MUC5B: variants seen among roughly 807,000 people sequenced by gnomAD.
MUC5B encodes the protein mucin-5B.
Under a neutral mutation model 376.9 loss-of-function variants are expected in MUC5B, and 116 were observed. The observed-to-expected ratio is 0.31, with a 90% confidence interval of 0.26 to 0.36. The LOEUF is 0.36. Ranked by LOEUF, MUC5B falls within the 10% of genes least tolerant of loss-of-function variation. The pLI is 1.00. For synonymous variants in MUC5B, 3,517 were observed against 3,390.9 expected (o/e 1.04, Z -1.29); for missense variants, 7,165 against 7,769.9 (o/e 0.92, Z 2.93).
intron 8 of MUC5B, 49 bp downstream of exon 8, chr11:1,228,814 C>A (rs1325831733): frequency 3.2e-6 from 3 of 942,642 alleles, no homozygotes; most frequent in Admixed American, 4.7e-5. Context: ...AGAGAAGGGG[C>A]AGGGGGAGCG....
In MUC5B at chr11:1,241,675, A is replaced by G. The variant is rs1862286519; in HGVS notation, c.4795A>G (p.Ser1599Gly). 3.1e-6 allele frequency: 5 copies of G among 1,612,414 alleles called. No homozygotes were observed. Among genetic ancestry groups the G allele is most frequent in the Non-Finnish European group, 4.2e-6 (5 of 1,179,658 alleles). Residue 1599 changes from serine to glycine, a missense_variant, in exon 31 of 49, where the codon AGT becomes GGT. Transcript: ENST00000529681. ...CTACAGGATCCGGGTCCTCTGCTGC[A>G]GTGACGACCACTGCAGGGGACGTGC... ...YNYRIRVLCC[S>G]DDHCRGRATT...
At chr11:1,224,942 G>A (rs2133802542) in intron 1 of MUC5B, among the ~76,000 whole-genome samples, 1 of 152,266 alleles carries the variant, frequency 6.6e-6, no homozygotes, top group Non-Finnish European at 1.5e-5. Context: ...TGAAGGGGGC[G>A]CCCCAACCCA....
chr11:1,228,892 C>T lies in MUC5B; in HGVS notation c.976+127C>T, dbSNP rs991006203. 5 of 504,610 alleles carry T rather than the reference C, an allele frequency of 9.9e-6. No individual in the cohort carries two copies. In the African/African-American group the frequency reaches 1.2e-4, roughly 12 times the overall value. 31.3% of individuals were successfully genotyped at this position (504,610 alleles called of 1,614,324 possible). A position where few individuals can be genotyped will look rare whatever the true frequency, so the allele number is the denominator to read the frequency against. The stretch of plus-strand genomic sequence containing the variant: ...TGGAGGGCAGAGGACCCACCCCAGG[C>T]ATAGTGGGCAGAGGCCACCCCAGGA... On this transcript the variant is annotated intron_variant, in intron 8 of 48. Transcript: ENST00000529681.
chr11:1,258,168 A>G lies in MUC5B; in HGVS notation c.16520A>G (p.Gln5507Arg). Residue 5507 changes from glutamine (Q) to arginine (R), a missense_variant, in exon 42 of 49, where the codon CAG becomes CGG. By Grantham distance (43) the Gln-to-Arg change is conservative. This residue lies in a region of MUC5B where 842 missense variants were observed against 1,016.9 expected (regional missense o/e 0.83). Coordinates refer to ENST00000529681, the MANE Select transcript of MUC5B (RefSeq NM_002458.3). This position sits in a 1 kb window ranked among gnomAD's most constrained non-coding sequence, Gnocchi z 5.5. ...CCAGGGCAGGAGTCCATCTGCACCC[A>G]GGAGGAGGGCGACTGCTGTCCCACC... Reference protein sequence around the residue: ...CPPGQESICTQEEGDCCPTFR... With the variant: ...CPPGQESICTREEGDCCPTFR... 1 of 1,601,414 alleles carries G rather than the reference A, an allele frequency of 6.2e-7. No individual in the cohort carries two copies. Among genetic ancestry groups the G allele is most frequent in the South Asian group, 1.1e-5 (1 of 88,768 alleles).
Position 1,258,070 on chromosome 11 carries a change from C to A in MUC5B, c.16451-29C>A. 6.5e-7 allele frequency: 1 copy of A among 1,547,330 alleles called. No individual in the cohort carries two copies. Among genetic ancestry groups the A allele is most frequent in the Non-Finnish European group, 8.7e-7 (1 of 1,143,344 alleles). ...TGGTCGGGAGGAGGAGTGAGCAGCG[C>A]CCAGACAGTGGCCTCCATCCTCCCG... On this transcript the variant is annotated intron_variant, in intron 41 of 48. Coordinates refer to ENST00000529681, the MANE Select transcript of MUC5B (RefSeq NM_002458.3). The surrounding 1 kb of genome is among the most constrained non-coding windows in gnomAD (Gnocchi z 5.5).
chr11:1,232,820 G>C (rs549015012), intron 17 of MUC5B, 50 bp downstream of exon 17: 4 of 1,527,502 alleles, frequency 2.6e-6, no homozygotes, highest in Non-Finnish European at 3.5e-6. Context: ...GTGGGGGTGC[G>C]GGGGACCCTG....
In MUC5B at chr11:1,247,184, C is replaced by T; in HGVS notation, c.10304C>T (p.Pro3435Leu). ...GCAGCCACCAGCAGCACAGTGACTC[C>T]CTCCTCTGCCCTAGGGACCACCCAC... Reference protein sequence around the residue: ...TPAATSSTVTPSSALGTTHTP... With the variant: ...TPAATSSTVTLSSALGTTHTP... Residue 3435 changes from proline (P) to leucine (L), a missense_variant, in exon 31 of 49, where the codon CCC becomes CTC. Pro to Leu is a moderately conservative substitution (Grantham distance 98, BLOSUM62 -3). Around this residue, in one of 31 missense-constraint regions of MUC5B, gnomAD observed 939 missense variants for 770.6 expected, o/e 1.22. Transcript: ENST00000529681. The T allele has an allele frequency of 1.3e-6, 2 of 1,555,618 alleles. No homozygotes were observed. The highest frequency in any genetic ancestry group is 1.8e-5 in the Admixed American group (1 of 56,132).
chr11:1,236,013 C>T (rs540788263), intron 23 of MUC5B, among the ~76,000 whole-genome samples: 5 of 152,322 alleles, frequency 3.3e-5, no homozygotes, highest in East Asian at 1.9e-4. Context: ...AAAGCAGCGC[C>T]GCTGGCCGGG....
At chr11:1,261,332 G>A in intron 48 of MUC5B, 57 bp from the exon 49 acceptor site, 1 of 1,467,824 alleles carries the variant, frequency 6.8e-7, no homozygotes, top group Non-Finnish European at 9.2e-7. Context: ...CACCATGGCT[G>A]GGCAGAGAAA....
Position 1,223,102 on chromosome 11 carries a change from C to T in MUC5B, c.-22C>T, listed in dbSNP as rs1861792737. The stretch of plus-strand genomic sequence containing the variant: ...CTCCCTCCCTGCCCGTCCCCGTCCC[C>T]CCACCCGTGCCAGCCCCCAGGATGG... On this transcript the variant is annotated 5_prime_UTR_variant, in exon 1 of 49. Coordinates refer to ENST00000529681, the MANE Select transcript of MUC5B (RefSeq NM_002458.3). 1 of 698,832 alleles carries T rather than the reference C, an allele frequency of 1.4e-6. No individual in the cohort carries two copies. The highest frequency in any genetic ancestry group is 2.7e-5 in the East Asian group (1 of 37,116). 43.3% of individuals were successfully genotyped at this position (698,832 alleles called of 1,614,324 possible). A position where few individuals can be genotyped will look rare whatever the true frequency, so the allele number is the denominator to read the frequency against.
At chr11:1,226,297 C>A (rs1392827888) in intron 3 of MUC5B, 21 bp downstream of exon 3, 4 of 1,550,050 alleles carry the variant, frequency 2.6e-6, no homozygotes, top group Non-Finnish European at 3.5e-6. Flanking sequence ...GCTGCCCCTG[C>A]CAGCCGGGAA....
intron 32 of MUC5B, 87 bp from the exon 33 acceptor site, chr11:1,252,721 CG>C: frequency 1.3e-6 from 2 of 1,487,394 alleles, no homozygotes. Flanking sequence ...TGTGGCCACC[CG>C]GGGCTTTGGG....
intron 11 of MUC5B, 59 bp downstream of exon 11, chr11:1,230,202 T>C: frequency 6.5e-7 from 1 of 1,529,694 alleles, no homozygotes; most frequent in Non-Finnish European, 8.8e-7. Context: ...CTCATGCCAC[T>C]TCCACCCAGG....
In MUC5B at chr11:1,251,436, C is replaced by G. The variant is rs965384515; in HGVS notation, c.14556C>G (p.Ser4852Arg). Residue 4852 changes from serine to arginine, a missense_variant, in exon 31 of 49, where the codon AGC (serine) becomes AGG (arginine). Physicochemically the swap from Ser to Arg is moderately radical, Grantham distance 110. This residue lies in a region of MUC5B where 730 missense variants were observed against 592.7 expected (regional missense o/e 1.23). Transcript: ENST00000529681. ...CCACCTGGATCCTCACAGAGCCGAG[C>G]ACTATAGCCACCGTGATGGTGCCCA... ...PGTTWILTEPSTIATVMVPTG... is the reference protein window; with the variant it reads ...PGTTWILTEPRTIATVMVPTG... The G allele has an allele frequency of 1.7e-5, 27 of 1,612,584 alleles. No homozygotes were observed. The highest frequency in any genetic ancestry group is 2.3e-5 in the Non-Finnish European group (27 of 1,179,296).
rs752878889 is a variant in MUC5B at position 1,227,741 on chromosome 11, C to T, written c.734C>T (p.Pro245Leu). 20 of 721,256 alleles carry T rather than the reference C, an allele frequency of 2.8e-5. No individual in the cohort carries two copies. Among genetic ancestry groups the T allele is most frequent in the South Asian group, 8.8e-5 (6 of 67,804 alleles). The allele number at this position is 721,256 out of a possible 1,614,324, so 44.7% of individuals were successfully genotyped here. ...QKLDGPTEQC[P>L]DPLPLPAGNC... The stretch of plus-strand genomic sequence containing the variant: ...TTGGATGGGCCCACGGAGCAGTGCC[C>T]GGACCCGCTGCCCTTGCCGGCCGGC... The change falls in exon 7 of 49, where the codon CCG becomes CTG. Residue 245 changes from proline (P) to leucine (L), a missense_variant. This residue lies in a region of MUC5B where 640 missense variants were observed against 733.0 expected (regional missense o/e 0.87). Transcript: ENST00000529681.
rs1862305332 is a variant in MUC5B, at chr11:1,242,249, G to T, written c.5369G>T (p.Trp1790Leu). ...GTTRCQPKCE[W>L]TEWFDVDFPT... The stretch of plus-strand genomic sequence containing the variant: ...ACCCGCTGTCAACCGAAGTGTGAGT[G>T]GACAGAGTGGTTTGACGTGGACTTC... The change falls in exon 31 of 49, where the codon TGG (tryptophan) becomes TTG (leucine). Residue 1790 changes from tryptophan to leucine, a missense_variant. Trp to Leu is a moderately conservative substitution (Grantham distance 61). This residue lies in a region of MUC5B where 897 missense variants were observed against 779.6 expected (regional missense o/e 1.15). Transcript: ENST00000529681. 1 of 1,613,728 alleles carries T rather than the reference G, an allele frequency of 6.2e-7. No individual in the cohort carries two copies. Among genetic ancestry groups the T allele is most frequent in the Non-Finnish European group, 8.5e-7 (1 of 1,179,796 alleles).
Position 1,231,992 on chromosome 11 carries a change from C to T in MUC5B, c.1679-4C>T, listed in dbSNP as rs753214728. ...CGCTGACATCCCCCAACCCTGGCCC[C>T]CAGGCCTGTGTGGGAACTTCAACCA... On this transcript the variant is annotated splice_region_variant and splice_polypyrimidine_tract_variant and intron_variant, in intron 14 of 48. Coordinates refer to ENST00000529681, the MANE Select transcript of MUC5B (RefSeq NM_002458.3). 5 of 1,612,482 alleles carry T rather than the reference C, an allele frequency of 3.1e-6. No homozygotes were observed. The highest frequency in any genetic ancestry group is 3.4e-6 in the Non-Finnish European group (4 of 1,179,782).
Position 1,240,495 on chromosome 11 carries a change from G to T in MUC5B, c.3970+120G>T, listed in dbSNP as rs569306461. On this transcript the variant is annotated intron_variant, in intron 30 of 48. Transcript: ENST00000529681. ...CAGTCCCAATCCACTGACCTTCCGG[G>T]CTCTGTCTAGGGGTGCACGGCCCCT... 2.0e-5 allele frequency: 19 copies of T among 973,962 alleles called. No individual in the cohort carries two copies. The African/African-American group carries it at 2.9e-4, about 15-fold the overall frequency. 60.3% of individuals were successfully genotyped at this position (973,962 alleles called of 1,614,324 possible).
rs771484077 is a variant in MUC5B at position 1,230,608 on chromosome 11, C to T, written c.1470+8C>T. On this transcript the variant is annotated splice_region_variant and intron_variant, in intron 12 of 48. Coordinates refer to ENST00000529681, the MANE Select transcript of MUC5B (RefSeq NM_002458.3). ...CTGGACGGCGGGGACACGGTGAGGACCTGGCTGGGGCCCTGGGCTGGGACA... is the reference window on the plus strand; with the variant it reads ...CTGGACGGCGGGGACACGGTGAGGATCTGGCTGGGGCCCTGGGCTGGGACA... 2.5e-6 allele frequency: 4 copies of T among 1,601,682 alleles called. No individual in the cohort carries two copies. Among genetic ancestry groups the T allele is most frequent in the East Asian group, 2.2e-5 (1 of 44,582 alleles).
Sources: gnomAD v4.1 joint callset for allele counts (sites outside exome capture counted in the v4.1 genomes callset) on GRCh38, gnomAD v4.1.1 for gene constraint, gnomAD v4.1.1 regional missense constraint, Gnocchi (gnomAD v3.1) non-coding constraint, MANE v1.5 for transcripts, NCBI Gene and HGNC (gene_info 2026-07-23, HGNC 2026-07-21) for gene names.